The following DENND1B variants were observed in gnomAD, a reference collection of about 807,000 sequenced individuals.
DENND1B encodes the protein DENN domain containing 1B, also known as DENN domain-containing protein 1B.
Under a neutral mutation model 90.1 loss-of-function variants are expected in DENND1B, and 59 were observed. The observed-to-expected ratio is 0.65, with a 90% confidence interval of 0.53 to 0.81. DENND1B has a LOEUF of 0.81. Among genes scored for constraint, DENND1B ranks in the 40% least tolerant of loss-of-function variants. The pLI is 0.00. For synonymous variants in DENND1B, 337 were observed against 324.6 expected (o/e 1.04, Z -0.41); for missense variants, 862 against 912.6 (o/e 0.94, Z 0.71).
Position 197,735,282 on chromosome 1 carries a change from C to G in DENND1B, c.83-20208G>C, listed in dbSNP as rs1026411450. The G allele has an allele frequency of 9.4e-6, 11 of 1,164,042 alleles. No individual in the cohort carries two copies. In the South Asian group the frequency reaches 1.9e-4, roughly 20 times the overall value. The allele number at this position is 1,164,042 out of a possible 1,614,324, so 72.1% of individuals were successfully genotyped here. The stretch of plus-strand genomic sequence containing the variant: ...AATACATCCACCCAAATACTGGAGG[C>G]AGAATGGCTTTATTCTACTATACCT... On this transcript the variant is annotated intron_variant, in intron 2 of 22. Transcript: ENST00000620048.
chr1:197,538,785 T>C (rs532971891), intron 20 of DENND1B, among the ~76,000 whole-genome samples: 6 of 151,992 alleles, frequency 3.9e-5, no homozygotes, highest in African/African-American at 1.2e-4. Context: ...TGTTGAAATT[T>C]AATTGCCATT....
At chr1:197,665,997 C>A (rs1654901788) in intron 5 of DENND1B, among the ~76,000 whole-genome samples, 1 of 152,048 alleles carries the variant, frequency 6.6e-6, no homozygotes, top group African/African-American at 2.4e-5. Flanking sequence ...GAGAATGCTT[C>A]AGTATAAAGG....
intron 10 of DENND1B, among the ~76,000 whole-genome samples, chr1:197,628,078 A>T (rs1023076283): frequency 1.1e-4 from 16 of 152,220 alleles, no homozygotes; most frequent in Non-Finnish European, 2.1e-4. Flanking sequence ...AAGAATCAAT[A>T]TCATGAAAAT....
intron 13 of DENND1B, among the ~76,000 whole-genome samples, chr1:197,604,639 A>AC (rs113590886): frequency 2.9e-3 from 439 of 150,214 alleles, no homozygotes; most frequent in African/African-American, 6.0e-3. Flanking sequence ...TTTTAAAAGG[A>AC]CCCCCCCCAA....
In DENND1B at chr1:197,651,376, T is replaced by C. The variant is rs1426449344; in HGVS notation, c.447+859A>G. ...TGGTACACTTCGTTAAAAGTTTCAA[T>C]AGTACAATAAATAATCTATCCCATC... On this transcript the variant is annotated intron_variant, in intron 7 of 22. Transcript: ENST00000620048. 5.3e-5 allele frequency among the ~76,000 whole-genome samples: 8 copies of C among 152,086 alleles called. No homozygotes were observed. In the East Asian group the frequency reaches 1.5e-3, roughly 29 times the overall value.
intron 2 of DENND1B, among the ~76,000 whole-genome samples, chr1:197,765,344 T>C (rs939399095): frequency 1.3e-5 from 2 of 152,214 alleles, no homozygotes; most frequent in Admixed American, 6.5e-5. Context: ...TGATTAAAAA[T>C]CCAAGAGCTC....
chr1:197,547,976 CA>C (rs1670940697), intron 16 of DENND1B, among the ~76,000 whole-genome samples: 2 of 152,160 alleles, frequency 1.3e-5, no homozygotes, highest in African/African-American at 4.8e-5. Context: ...TTATTATTCA[CA>C]GTATTCTGGA....
chr1:197,639,897 GA>G (rs1260387854), intron 10 of DENND1B, among the ~76,000 whole-genome samples: 1 of 152,038 alleles, frequency 6.6e-6, no homozygotes, highest in Non-Finnish European at 1.5e-5. Flanking sequence ...CTCCATAAAA[GA>G]AGACTAAGAT....
At chr1:197,536,203 T>A (rs531039216) in intron 20 of DENND1B, among the ~76,000 whole-genome samples, 17 of 86,878 alleles carry the variant, frequency 2.0e-4, no homozygotes, top group Admixed American at 7.5e-4. Context: ...ATGAGATGAG[T>A]AGGGAGAGAA....
chr1:197,564,003 T>G (rs1672397545), intron 15 of DENND1B, among the ~76,000 whole-genome samples: 1 of 152,016 alleles, frequency 6.6e-6, no homozygotes, highest in African/African-American at 2.4e-5. Flanking sequence ...ACTAAATTGC[T>G]GTAATATCAT....
chr1:197,685,961 G>C (rs769283207), intron 3 of DENND1B, among the ~76,000 whole-genome samples: 1 of 152,062 alleles, frequency 6.6e-6, no homozygotes, highest in Non-Finnish European at 1.5e-5. Context: ...TTTGTTCTTA[G>C]TTCTTATCAT....
At chr1:197,522,139 GA>G (rs1304603817) in intron 20 of DENND1B, among the ~76,000 whole-genome samples, 1 of 152,064 alleles carries the variant, frequency 6.6e-6, no homozygotes, top group Non-Finnish European at 1.5e-5. Flanking sequence ...AGAATAATAA[GA>G]GTGCTAATGT....
At chr1:197,778,204 T>C (rs1403115918), upstream of DENND1B, among the ~76,000 whole-genome samples, 1 of 152,234 alleles carries the variant, frequency 6.6e-6, no homozygotes, top group Non-Finnish European at 1.5e-5. Flanking sequence ...TAAACAGTTT[T>C]CTTCTGAATA....
chr1:197,684,070 A>G (rs1656978766), intron 3 of DENND1B, among the ~76,000 whole-genome samples: 1 of 152,248 alleles, frequency 6.6e-6, no homozygotes, highest in African/African-American at 2.4e-5. Flanking sequence ...GCACCATCAG[A>G]ATCAATTTGC....
chr1:197,747,378 A>G (rs766099857), intron 2 of DENND1B: 31 of 494,270 alleles, frequency 6.3e-5, no homozygotes, highest in Non-Finnish European at 1.1e-4. Context: ...AGAGTTCTGC[A>G]ATGTAGCTTC....
At chr1:197,676,642 C>T (rs1012953130) in intron 3 of DENND1B, among the ~76,000 whole-genome samples, 1 of 151,830 alleles carries the variant, frequency 6.6e-6, no homozygotes. Context: ...TTGGCTAACA[C>T]ATGTCAAATG....
intron 11 of DENND1B, among the ~76,000 whole-genome samples, chr1:197,617,034 G>C (rs1677713313): frequency 6.6e-6 from 1 of 151,002 alleles, no homozygotes; most frequent in African/African-American, 2.4e-5. Flanking sequence ...TAGAGGCCTG[G>C]TTATTGGGAT....
At chr1:197,702,879 C>A (rs924320190) in intron 3 of DENND1B, among the ~76,000 whole-genome samples, 1 of 152,130 alleles carries the variant, frequency 6.6e-6, no homozygotes, top group African/African-American at 2.4e-5. Flanking sequence ...TAAGACTAAA[C>A]TAGGGGCAAC....
intron 15 of DENND1B, among the ~76,000 whole-genome samples, chr1:197,561,912 C>T (rs978380394): frequency 8.6e-5 from 13 of 151,804 alleles, no homozygotes; most frequent in African/African-American, 3.1e-4. Context: ...TCAACAGTTC[C>T]ACACTGCCAT....
Sources: gnomAD v4.1 joint callset for allele counts (sites outside exome capture counted in the v4.1 genomes callset) on GRCh38, gnomAD v4.1.1 for gene constraint, MANE v1.5 for transcripts, NCBI Gene and HGNC (gene_info 2026-07-23, HGNC 2026-07-21) for gene names.